EPHA6: variants seen among roughly 807,000 people sequenced by gnomAD.
EPHA6 encodes the protein EPH receptor A6.
EPHA6 carries 50 observed loss-of-function variants against 112.0 expected under a neutral mutation model. That is an observed-to-expected ratio of 0.45 (90% CI 0.36 to 0.56). The LOEUF is 0.56. EPHA6 is among the 20% of genes least tolerant of loss of function. The probability of loss-of-function intolerance (pLI) is 0.00; values close to 1 mark genes in which losing one functional copy is unlikely to be tolerated. For missense variants in EPHA6, 1,280 were observed against 1,417.4 expected, an observed-to-expected ratio of 0.90 and a Z score of 1.56; for synonymous variants, 529 against 490.7, an observed-to-expected ratio of 1.08 and a Z score of -1.03.
intron 3 of EPHA6, among the ~76,000 whole-genome samples, chr3:97,057,200 C>G (rs949009384): frequency 1.3e-5 from 2 of 152,156 alleles, no homozygotes; most frequent in African/African-American, 4.8e-5. Context: ...TAACCATCAT[C>G]CCACACACTT....
At chr3:96,967,733 G>A (rs72916477) in intron 2 of EPHA6, among the ~76,000 whole-genome samples, 1,996 of 151,660 alleles carry the variant, frequency 0.013, 47 homozygotes, top group African/African-American at 0.044. Flanking sequence ...CCTTTGTTAA[G>A]CACTTCGATT....
chr3:97,612,673 G>A (rs2093730406), intron 13 of EPHA6, among the ~76,000 whole-genome samples: 1 of 152,032 alleles, frequency 6.6e-6, no homozygotes, highest in Admixed American at 6.6e-5. Flanking sequence ...TATGTACTGT[G>A]TATGTAAGAC....
At chr3:97,401,042 T>C (rs1273146604) in intron 5 of EPHA6, among the ~76,000 whole-genome samples, 1 of 151,872 alleles carries the variant, frequency 6.6e-6, no homozygotes, top group Non-Finnish European at 1.5e-5. Context: ...CAGTATGATA[T>C]TGGCTGTGTG....
At chr3:97,521,086 C>A (rs1044626453) in intron 10 of EPHA6, among the ~76,000 whole-genome samples, 9 of 151,324 alleles carry the variant, frequency 5.9e-5, no homozygotes, top group Non-Finnish European at 1.0e-4. Flanking sequence ...TGGTAAATTT[C>A]TTTTTCATAT....
intron 5 of EPHA6, among the ~76,000 whole-genome samples, chr3:97,315,339 G>C (rs1233927238): frequency 6.6e-6 from 1 of 151,652 alleles, no homozygotes; most frequent in Non-Finnish European, 1.5e-5. Flanking sequence ...TATGCCTGTT[G>C]AATTTAATTG....
intron 2 of EPHA6, among the ~76,000 whole-genome samples, chr3:96,877,929 A>T (rs543282985): frequency 9.3e-4 from 119 of 128,570 alleles, no homozygotes; most frequent in Non-Finnish European, 1.0e-3. Flanking sequence ...ATATATATAT[A>T]TTTTTTTTTT....
chr3:97,015,660 A>C (rs993206424), intron 3 of EPHA6, among the ~76,000 whole-genome samples: 23 of 152,206 alleles, frequency 1.5e-4, no homozygotes, highest in Non-Finnish European at 5.9e-5. Context: ...ACATTAAAAT[A>C]CAAATATAAC....
At chr3:97,459,453 A>G (rs1210862641) in intron 7 of EPHA6, among the ~76,000 whole-genome samples, 1 of 152,212 alleles carries the variant, frequency 6.6e-6, no homozygotes. Flanking sequence ...ACTGGCAGCA[A>G]GGAATGGTGG....
At chr3:97,233,060 C>T (rs1015484764) in intron 4 of EPHA6, among the ~76,000 whole-genome samples, 7 of 152,120 alleles carry the variant, frequency 4.6e-5, no homozygotes, top group Non-Finnish European at 7.4e-5. Flanking sequence ...TGATCACCAG[C>T]TTCAGGTGTT....
intron 3 of EPHA6, among the ~76,000 whole-genome samples, chr3:97,168,021 T>C (rs963122671): frequency 5.5e-4 from 84 of 152,092 alleles, no homozygotes; most frequent in Admixed American, 3.7e-3. Flanking sequence ...TTTCATTTTG[T>C]ATGTATTTAG....
At chr3:96,914,927 G>A (rs1253095341) in intron 2 of EPHA6, among the ~76,000 whole-genome samples, 1 of 151,522 alleles carries the variant, frequency 6.6e-6, no homozygotes, top group African/African-American at 2.4e-5. Flanking sequence ...ATTAAAATAT[G>A]GAGAAAATGT....
At chr3:97,476,897 G>T (rs1365243634) in intron 8 of EPHA6, among the ~76,000 whole-genome samples, 1 of 151,874 alleles carries the variant, frequency 6.6e-6, no homozygotes, top group African/African-American at 2.4e-5. Flanking sequence ...TTAAGAGGGA[G>T]TATTTGGGGG....
In EPHA6 at chr3:97,598,355, G is replaced by A. The variant is rs565629770; in HGVS notation, c.2512+5618G>A. Among the ~76,000 whole-genome samples, 394 of 149,740 alleles carry A rather than the reference G, an allele frequency of 2.6e-3. 1 individual carries two copies. The highest frequency in any genetic ancestry group is 8.6e-3 in the African/African-American group (351 of 40,700). ...ATGTATACATGTGCCATGCTGGTGC[G>A]CTGCACCCACTAACTCGTCATCTAG... On this transcript the variant is annotated intron_variant, in intron 12 of 17. Transcript: ENST00000389672.
At chr3:97,295,945 C>A (rs1248599463) in intron 5 of EPHA6, among the ~76,000 whole-genome samples, 1 of 151,984 alleles carries the variant, frequency 6.6e-6, no homozygotes, top group Non-Finnish European at 1.5e-5. Context: ...TCCTTGGGAC[C>A]CTGGATGGTG....
intron 3 of EPHA6, among the ~76,000 whole-genome samples, chr3:97,007,488 C>A (rs2043928766): frequency 6.6e-6 from 1 of 150,648 alleles, no homozygotes; most frequent in African/African-American, 2.4e-5. Flanking sequence ...TTATTTTGAG[C>A]CTGTGTGTGT....
intron 11 of EPHA6, among the ~76,000 whole-genome samples, chr3:97,553,448 A>G (rs1011471462): frequency 3.3e-5 from 5 of 152,138 alleles, no homozygotes; most frequent in Admixed American, 1.3e-4. Context: ...TAATTGACTC[A>G]CAGTTCTGCA....
rs569181303 is a variant in EPHA6 at position 97,324,030 on chromosome 3, A to T, written c.1606+79743A>T. On this transcript the variant is annotated intron_variant, in intron 5 of 17. Coordinates refer to ENST00000389672, the MANE Select transcript of EPHA6 (RefSeq NM_001080448.3). ...GTTGACTGAGTGACCGTCCATAGCAAGCACAGAACCACAGGGGTTTATAAG... is the reference window on the plus strand; with the variant it reads ...GTTGACTGAGTGACCGTCCATAGCATGCACAGAACCACAGGGGTTTATAAG... Among the ~76,000 whole-genome samples, 176 of 152,120 alleles carry T rather than the reference A, an allele frequency of 1.2e-3. 3 individuals are homozygous for T. The highest frequency in any genetic ancestry group is 4.1e-3 in the African/African-American group (168 of 41,454).
chr3:97,109,644 G>A (rs1023709606), intron 3 of EPHA6, among the ~76,000 whole-genome samples: 1 of 152,172 alleles, frequency 6.6e-6, no homozygotes, highest in African/African-American at 2.4e-5. Context: ...GAGCAGCACG[G>A]TGAGAAGCAC....
At position 97,736,470 on chromosome 3, in the gene EPHA6, AGTGT is replaced by A. The variant is rs376497031; in HGVS notation, c.3128+390_3128+393del. Among the ~76,000 whole-genome samples the A allele has an allele frequency of 3.2e-3, 376 of 118,866 alleles. 3 individuals carry two copies. Among genetic ancestry groups the A allele is most frequent in the African/African-American group, 8.8e-3 (254 of 28,866 alleles). The allele number at this position is 118,866 out of a possible 152,430, so 78.0% of individuals were successfully genotyped here. On this transcript the variant is annotated intron_variant, in intron 16 of 17. Coordinates refer to ENST00000389672, the MANE Select transcript of EPHA6 (RefSeq NM_001080448.3). Reference sequence around the variant, plus strand: ...AGTAGAGAGAGAGAGAGAGAGAGAGAGTGTGTGTGTGTGTGTGTGTGTGTGTGTG... The same window carrying A: ...AGTAGAGAGAGAGAGAGAGAGAGAGAGTGTGTGTGTGTGTGTGTGTGTGTG...
Sources: allele counts gnomAD v4.1 joint callset (sites outside exome capture counted in the v4.1 genomes callset), GRCh38; gene constraint gnomAD v4.1.1; transcripts MANE v1.5; gene names NCBI Gene and HGNC (gene_info 2026-07-23, HGNC 2026-07-21).